The following IQCH variants were observed in gnomAD, a reference collection of about 807,000 sequenced individuals.
IQCH encodes IQ motif containing H.
In IQCH, 98 loss-of-function variants were observed where a neutral mutation model predicts 117.0. That is an observed-to-expected ratio of 0.84 (90% CI 0.71 to 0.99). The LOEUF (loss-of-function observed/expected upper bound fraction) is 0.99, where lower values mean the gene tolerates loss of function less well. IQCH is among the 50% of genes least tolerant of loss of function. The probability of loss-of-function intolerance (pLI) is 0.00; values close to 1 mark genes in which losing one functional copy is unlikely to be tolerated. For missense variants in IQCH, 1,102 were observed against 1,243.8 expected, an observed-to-expected ratio of 0.89 and a Z score of 1.72; for synonymous variants, 412 against 448.2, an observed-to-expected ratio of 0.92 and a Z score of 1.02.
intron 3 of IQCH, among the ~76,000 whole-genome samples, chr15:67,267,906 T>C (rs891956425): frequency 2.6e-5 from 4 of 152,146 alleles, no homozygotes; most frequent in Non-Finnish European, 5.9e-5. Flanking sequence ...CTTATCAAGA[T>C]CTTCATCATC....
chr15:67,263,134 A>G lies in IQCH; in HGVS notation c.187A>G (p.Lys63Glu), dbSNP rs769494161. The change falls in exon 3 of 21, where the codon AAG becomes GAG. Residue 63 changes from lysine to glutamate, a missense_variant. Around this residue, in one of 2 missense-constraint regions of IQCH, gnomAD observed 452 missense variants for 449.6 expected, o/e 1.01. Coordinates refer to ENST00000335894, the MANE Select transcript of IQCH (RefSeq NM_001031715.3). ...ATTTCTGTAACAGATTCACATTGAGAAGTATTTAAATGTTGTAAACCAGAA... is the reference window on the plus strand; with the variant it reads ...ATTTCTGTAACAGATTCACATTGAGGAGTATTTAAATGTTGTAAACCAGAA... ...TEVGLRIHIE[K>E]YLNVVNQNVL... The G allele has an allele frequency of 6.7e-7, 1 of 1,503,556 alleles. No homozygotes were observed. The highest frequency in any genetic ancestry group is 1.7e-5 in the Admixed American group (1 of 59,776). The allele number at this position is 1,503,556 out of a possible 1,614,324, so 93.1% of individuals were successfully genotyped here.
chr15:67,327,710 T>C (rs1968473943), intron 4 of IQCH, among the ~76,000 whole-genome samples: 1 of 152,208 alleles, frequency 6.6e-6, no homozygotes, highest in South Asian at 2.1e-4. Context: ...CTTGCTGTGG[T>C]TGGTAGCAGC....
At chr15:67,497,275 G>A (rs1357995031) in intron 20 of IQCH, among the ~76,000 whole-genome samples, 3 of 151,356 alleles carry the variant, frequency 2.0e-5, no homozygotes, top group Admixed American at 1.3e-4. Context: ...AGGCTGCAGT[G>A]AGCCATGATC....
chr15:67,373,675 T>C (rs1471351407), intron 10 of IQCH: 3 of 603,576 alleles, frequency 5.0e-6, no homozygotes, highest in Non-Finnish European at 8.8e-6. Context: ...TTTGCTGTAA[T>C]TCGCTTTCAT....
rs1971970769 is a variant in IQCH at position 67,407,845 on chromosome 15, A to G, written c.2097+7540A>G. On this transcript the variant is annotated intron_variant, in intron 14 of 20. Coordinates refer to ENST00000335894, the MANE Select transcript of IQCH (RefSeq NM_001031715.3). The surrounding 1 kb of genome is among the most constrained non-coding windows in gnomAD (Gnocchi z 5.3). ...TCTGGAAACACTCTACCTTCCAGCC[A>G]TTAGCTCTCACTAATTCATAGCATT... 6.6e-6 allele frequency: 1 copy of G among 152,214 alleles called. No homozygotes were observed. The highest frequency in any genetic ancestry group is 1.5e-5 in the Non-Finnish European group (1 of 68,030). 9.4% of individuals were successfully genotyped at this position (152,214 alleles called of 1,614,324 possible).
chr15:67,303,788 G>T (rs895819116), intron 4 of IQCH, among the ~76,000 whole-genome samples: 2 of 152,174 alleles, frequency 1.3e-5, no homozygotes, highest in African/African-American at 4.8e-5. Flanking sequence ...AAGTGGTTCA[G>T]ACAAGAGGCT....
Position 67,317,890 on chromosome 15 carries a change from C to G in IQCH, c.388-19085C>G, listed in dbSNP as rs539470088. On this transcript the variant is annotated intron_variant, in intron 4 of 20. Coordinates refer to ENST00000335894, the MANE Select transcript of IQCH (RefSeq NM_001031715.3). ...CTCTCCATCTCCTTCTTCCCACCCC[C>G]AAGCCCTACACACGGCTTCCCTTAG... 8.2e-4 allele frequency among the ~76,000 whole-genome samples: 125 copies of G among 152,252 alleles called. 2 individuals are homozygous for G. The highest frequency in any genetic ancestry group is 2.4e-4 in the Non-Finnish European group (16 of 68,008).
At position 67,491,860 on chromosome 15, in the gene IQCH, A is replaced by G. The variant is rs2083663131; in HGVS notation, c.2861+1796A>G. Among the ~76,000 whole-genome samples, 2 of 152,040 alleles carry G rather than the reference A, an allele frequency of 1.3e-5. No individual in the cohort carries two copies. The highest frequency in any genetic ancestry group is 2.9e-5 in the Non-Finnish European group (2 of 68,012). ...TATCAACTGTGCCAGGCACAGTTCT[A>G]GGTGCTGGGGAAACAACAATGAGCC... On this transcript the variant is annotated intron_variant, in intron 19 of 20. Transcript: ENST00000335894. The surrounding 1 kb of genome is among the most constrained non-coding windows in gnomAD (Gnocchi z 4.9).
In IQCH at chr15:67,297,645, G is replaced by A. The variant is rs1255584192; in HGVS notation, c.387+18133G>A. On this transcript the variant is annotated intron_variant, in intron 4 of 20. Coordinates refer to ENST00000335894, the MANE Select transcript of IQCH (RefSeq NM_001031715.3). ...ATATTGTATAATTCCCAGTCCATGC[G>A]CAATTTTCCCCAATTGTCTTTAAAT... Among the ~76,000 whole-genome samples the A allele has an allele frequency of 3.9e-5, 6 of 151,992 alleles. No homozygotes were observed. The South Asian group carries it at 8.3e-4, about 21-fold the overall frequency.
intron 4 of IQCH, among the ~76,000 whole-genome samples, chr15:67,311,396 G>T (rs1431442401): frequency 6.6e-6 from 1 of 151,608 alleles, no homozygotes; most frequent in Non-Finnish European, 1.5e-5. Flanking sequence ...TACATCTTGT[G>T]CAGGCAAAAT....
At position 67,468,389 on chromosome 15, in the gene IQCH, C is replaced by T. The variant is rs547528852; in HGVS notation, c.2676+3092C>T. On this transcript the variant is annotated intron_variant, in intron 17 of 20. Transcript: ENST00000335894. ...ATTTATTATAAATTCTCAAATGCTT[C>T]GGGTTTGATTTTGATAGAATGCAAC... Among the ~76,000 whole-genome samples, 36 of 152,256 alleles carry T rather than the reference C, an allele frequency of 2.4e-4. 1 individual carries two copies. The South Asian group carries it at 4.6e-3, about 19-fold the overall frequency.
Position 67,395,711 on chromosome 15 carries a change from T to TTTATTTATTTAC in IQCH, c.1905+159_1905+160insCTTATTTATTTA. 3.9e-6 allele frequency: 1 copy of TTTATTTATTTAC among 254,924 alleles called. No homozygotes were observed. The highest frequency in any genetic ancestry group is 7.2e-6 in the Non-Finnish European group (1 of 138,308). 15.8% of individuals were successfully genotyped at this position (254,924 alleles called of 1,614,324 possible). ...GATTTGAGGGAATCTACTTTATTTA[T>TTTATTTATTTAC]TTATTTATTTATTTATTTATTTATT... On this transcript the variant is annotated intron_variant, in intron 13 of 20. Coordinates refer to ENST00000335894, the MANE Select transcript of IQCH (RefSeq NM_001031715.3). This position sits in a 1 kb window ranked among gnomAD's most constrained non-coding sequence, Gnocchi z 4.0.
At chr15:67,300,717 T>C (rs1966983809) in intron 4 of IQCH, among the ~76,000 whole-genome samples, 1 of 152,192 alleles carries the variant, frequency 6.6e-6, no homozygotes, top group Non-Finnish European at 1.5e-5. Context: ...ACTGCTCAGA[T>C]GTGTGTCATT....
intron 4 of IQCH, among the ~76,000 whole-genome samples, chr15:67,335,678 A>C (rs1211294439): frequency 1.3e-5 from 2 of 152,170 alleles, no homozygotes. Context: ...GAGTCTCATA[A>C]TAAATAAATC....
intron 9 of IQCH, 81 bp downstream of exon 9, chr15:67,372,743 AT>A (rs970259887): frequency 2.0e-5 from 24 of 1,220,188 alleles, no homozygotes; most frequent in Non-Finnish European, 2.7e-5. Context: ...AGTTGTCTCT[AT>A]CTTCCCTTTC....
At chr15:67,497,444 C>A (rs1169406211) in intron 20 of IQCH, among the ~76,000 whole-genome samples, 5 of 152,070 alleles carry the variant, frequency 3.3e-5, no homozygotes, top group Admixed American at 2.6e-4. Context: ...AATAAGTTTT[C>A]AAAAAATTCA....
rs1364033601 is a variant in IQCH, at chr15:67,500,553, G to A, written c.2971-80G>A. On this transcript the variant is annotated intron_variant, in intron 20 of 20. Coordinates refer to ENST00000335894, the MANE Select transcript of IQCH (RefSeq NM_001031715.3). This position sits in a 1 kb window ranked among gnomAD's most constrained non-coding sequence, Gnocchi z 4.4. The stretch of plus-strand genomic sequence containing the variant: ...GAATAGAACTGGTCTAAACCATGGT[G>A]AACTCCCAAAAGGACCAGATGCTTG... The A allele has an allele frequency of 1.5e-6, 1 of 667,266 alleles. No individual in the cohort carries two copies. The highest frequency in any genetic ancestry group is 2.9e-5 in the Admixed American group (1 of 33,950). 41.3% of individuals were successfully genotyped at this position (667,266 alleles called of 1,614,324 possible). A position where few individuals can be genotyped will look rare whatever the true frequency, so the allele number is the denominator to read the frequency against.
intron 6 of IQCH, among the ~76,000 whole-genome samples, chr15:67,347,174 A>C (rs1236851141): frequency 6.6e-6 from 1 of 151,870 alleles, no homozygotes; most frequent in African/African-American, 2.4e-5. Context: ...TAATAGAGAC[A>C]AAAGTAGAAG....
intron 4 of IQCH, among the ~76,000 whole-genome samples, chr15:67,302,732 C>T (rs1967108054): frequency 6.6e-6 from 1 of 152,146 alleles, no homozygotes; most frequent in Non-Finnish European, 1.5e-5. Flanking sequence ...TAGTGCACAC[C>T]TGTAATCCCA....
Sources: gnomAD v4.1 joint callset for allele counts (sites outside exome capture counted in the v4.1 genomes callset) on GRCh38, gnomAD v4.1.1 for gene constraint, gnomAD v4.1.1 regional missense constraint, Gnocchi (gnomAD v3.1) non-coding constraint, MANE v1.5 for transcripts, NCBI Gene and HGNC (gene_info 2026-07-23, HGNC 2026-07-21) for gene names.